Variants in BTG4 observed in about 807,000 individuals in gnomAD.
BTG4 encodes protein BTG4.
Under a neutral mutation model 19.3 loss-of-function variants are expected in BTG4, and 10 were observed. The ratio of observed to expected loss-of-function variants is 0.52; its 90% CI spans 0.32 to 0.88. BTG4 has a LOEUF of 0.88. BTG4 is among the 40% of genes least tolerant of loss of function. The pLI is 0.04. For missense variants in BTG4, 238 were observed against 281.9 expected (o/e 0.84, Z 1.11); for synonymous variants, 91 against 95.7 (o/e 0.95, Z 0.29).
At chr11:111,433,143 G>A in the BTG4 span, among the ~76,000 whole-genome samples, 2 of 152,112 alleles carry the variant, frequency 1.3e-5, no homozygotes, top group African/African-American at 2.4e-5. Context: ...GTTTGCAATG[G>A]GCGCAATATA....
chr11:111,504,578 A>C (rs1866319103), intron 1 of BTG4, among the ~76,000 whole-genome samples: 1 of 151,946 alleles, frequency 6.6e-6, no homozygotes, highest in Non-Finnish European at 1.5e-5. Context: ...TTAGAAACCA[A>C]GATAACTCCT....
At position 111,479,254 on chromosome 11, in the gene BTG4, T is replaced by A. The variant is rs375683471; in HGVS notation, c.663-11573A>T. Among the ~76,000 whole-genome samples the A allele has an allele frequency of 1.7e-3, 258 of 152,186 alleles. 1 individual carries two copies. Among genetic ancestry groups the A allele is most frequent in the African/African-American group, 5.9e-3 (244 of 41,534 alleles). Reference sequence around the variant, plus strand: ...GAAAAGAGCTGTCAACCCAAAATTCTATACAAAGGGAAATATTCTTTAAGA... The same window carrying A: ...GAAAAGAGCTGTCAACCCAAAATTCAATACAAAGGGAAATATTCTTTAAGA... On this transcript the variant is annotated intron_variant, in intron 5 of 5. Coordinates refer to the BTG4 transcript ENST00000356018.
chr11:111,422,587 C>G, the BTG4 span, among the ~76,000 whole-genome samples: 36 of 152,278 alleles, frequency 2.4e-4, no homozygotes, highest in African/African-American at 8.4e-4. Flanking sequence ...CTTCCCAGAC[C>G]GAGCCTGGGC....
downstream of BTG4, among the ~76,000 whole-genome samples, chr11:111,465,429 G>C (rs1172562329): frequency 6.6e-6 from 1 of 152,120 alleles, no homozygotes; most frequent in Non-Finnish European, 1.5e-5. Flanking sequence ...AAATTTTATG[G>C]AGTGCTTTAT....
At chr11:111,388,072 T>C in the BTG4 span, among the ~76,000 whole-genome samples, 143 of 152,348 alleles carry the variant, frequency 9.4e-4, no homozygotes, top group Middle Eastern at 3.4e-3. Flanking sequence ...GAAATAATGT[T>C]AGGGATAACA....
At chr11:111,448,015 TA>T in the BTG4 span, among the ~76,000 whole-genome samples, 2 of 152,302 alleles carry the variant, frequency 1.3e-5, no homozygotes, top group East Asian at 3.9e-4. Context: ...TCCACCCTCT[TA>T]CTTCTATGCC....
chr11:111,480,070 T>C (rs1292052338), intron 5 of BTG4, among the ~76,000 whole-genome samples: 2 of 151,934 alleles, frequency 1.3e-5, no homozygotes, highest in Non-Finnish European at 2.9e-5. Context: ...GAACTAAAAA[T>C]AAGACACAAT....
At chr11:111,438,735 T>A in the BTG4 span, among the ~76,000 whole-genome samples, 37 of 152,230 alleles carry the variant, frequency 2.4e-4, no homozygotes, top group South Asian at 7.5e-3. Flanking sequence ...ACCAAAACAT[T>A]TCCTCATCTC....
In BTG4 at chr11:111,495,216, A is replaced by G. The variant is rs1865646181; in HGVS notation, c.609T>C (p.His203=). 2 of 1,612,668 alleles carry G rather than the reference A, an allele frequency of 1.2e-6. No homozygotes were observed. Among genetic ancestry groups the G allele is most frequent in the African/African-American group, 1.3e-5 (1 of 74,976 alleles). The change falls in exon 5 of 5, where the codon CAT becomes CAC. Residue 203 remains histidine, a synonymous_variant. Transcript: ENST00000692032. ...GRVGLLGNTY[H]GSQKHPKCYR... ...AACACTTAGGATGCTTCTGCGAGCC[A>G]TGGTAAGTGTTTCCCAGGAGGCCAA...
At chr11:111,499,476 AAGTGG>A (rs1195686801) in intron 1 of BTG4, among the ~76,000 whole-genome samples, 10 of 152,200 alleles carry the variant, frequency 6.6e-5, no homozygotes, top group Admixed American at 3.3e-4. Context: ...TCCTTGGCAT[AAGTGG>A]AGTGGGTTCT....
chr11:111,444,978 A>G, the BTG4 span, among the ~76,000 whole-genome samples: 2 of 152,218 alleles, frequency 1.3e-5, no homozygotes, highest in Admixed American at 6.5e-5. Context: ...AACGGGACAA[A>G]TAGGACATAA....
At chr11:111,459,454 T>G in the BTG4 span, among the ~76,000 whole-genome samples, 2 of 152,230 alleles carry the variant, frequency 1.3e-5, no homozygotes, top group Non-Finnish European at 2.9e-5. Flanking sequence ...GCATTGTCCT[T>G]TCTTCCTTTC....
downstream of BTG4, among the ~76,000 whole-genome samples, chr11:111,465,029 A>T (rs1044383968): frequency 2.6e-5 from 4 of 152,176 alleles, no homozygotes; most frequent in African/African-American, 9.7e-5. Flanking sequence ...GAAAAAATGA[A>T]AAGGGAAAAA....
chr11:111,502,638 A>T (rs1290975418), intron 1 of BTG4, among the ~76,000 whole-genome samples: 1 of 152,214 alleles, frequency 6.6e-6, no homozygotes, highest in Non-Finnish European at 1.5e-5. Context: ...TAACAAACAC[A>T]AAATTTTTTT....
At chr11:111,414,903 G>A in the BTG4 span, 1 of 152,298 alleles carries the variant, frequency 6.6e-6, no homozygotes, top group African/African-American at 2.4e-5. Context: ...GCTGTAGGGG[G>A]GTCGGGGGAG....
downstream of BTG4, among the ~76,000 whole-genome samples, chr11:111,492,405 C>T (rs1865473559): frequency 6.6e-6 from 1 of 152,122 alleles, no homozygotes; most frequent in African/African-American, 2.4e-5. Flanking sequence ...CTAAATTGTA[C>T]ATGTAAAGAC....
the BTG4 span, chr11:111,452,445 G>C: frequency 6.6e-6 from 1 of 152,304 alleles, no homozygotes; most frequent in African/African-American, 2.4e-5. Context: ...CCAGTGCTGT[G>C]GGGAAGGGCC....
the BTG4 span, chr11:111,417,699 A>C: frequency 6.6e-6 from 1 of 152,092 alleles, no homozygotes; most frequent in East Asian, 1.9e-4. Flanking sequence ...CATGTTTGTT[A>C]TTTTTTGAAC....
chr11:111,496,751 A>G (rs1865757977), intron 4 of BTG4: 1 of 161,104 alleles, frequency 6.2e-6, no homozygotes, highest in East Asian at 1.7e-4. Flanking sequence ...TTAAATGTAA[A>G]TATACATATT....
Sources: allele counts gnomAD v4.1 joint callset (sites outside exome capture counted in the v4.1 genomes callset), GRCh38; gene constraint gnomAD v4.1.1; transcripts MANE v1.5; gene names NCBI Gene and HGNC (gene_info 2026-07-23, HGNC 2026-07-21).